The following TAS2R1 variants were observed in gnomAD, a reference collection of about 807,000 sequenced individuals.
The protein encoded by TAS2R1 is taste 2 receptor member 1, also known as taste receptor type 2 member 1.
For missense variants in TAS2R1, 370 were observed against 353.4 expected (o/e 1.05, Z -0.38); for synonymous variants, 141 against 134.2 (o/e 1.05, Z -0.35).
At chr5:9,762,001 G>A in the TAS2R1 span, among the ~76,000 whole-genome samples, 7 of 152,174 alleles carry the variant, frequency 4.6e-5, no homozygotes, top group Admixed American at 4.6e-4. Context: ...GCGTCCCCAC[G>A]AGCCTTGCAC....
chr5:9,818,996 T>C, the TAS2R1 span, among the ~76,000 whole-genome samples: 1 of 152,200 alleles, frequency 6.6e-6, no homozygotes, highest in Non-Finnish European at 1.5e-5. Flanking sequence ...CCATGTATTA[T>C]TCAAAGAGGA....
chr5:9,896,947 A>C, the TAS2R1 span, among the ~76,000 whole-genome samples: 1 of 152,208 alleles, frequency 6.6e-6, no homozygotes, highest in Non-Finnish European at 1.5e-5. Flanking sequence ...CCAGGAGAAG[A>C]GAATGAATGT....
the TAS2R1 span, among the ~76,000 whole-genome samples, chr5:9,824,177 C>G: frequency 3.9e-5 from 6 of 152,198 alleles, no homozygotes; most frequent in Non-Finnish European, 8.8e-5. Flanking sequence ...GCCTGACTCC[C>G]CTTAGTCAAG....
At chr5:9,852,389 G>T in the TAS2R1 span, among the ~76,000 whole-genome samples, 2 of 151,222 alleles carry the variant, frequency 1.3e-5, no homozygotes, top group African/African-American at 2.4e-5. Flanking sequence ...TCCTGTTTCT[G>T]TCAGGAGGTC....
chr5:9,693,395 A>G (rs1741288426), intron 1 of TAS2R1, among the ~76,000 whole-genome samples: 1 of 151,860 alleles, frequency 6.6e-6, no homozygotes, highest in African/African-American at 2.4e-5. Flanking sequence ...ATGGCGGCAC[A>G]TGCCTGTAAT....
At chr5:9,727,531 C>T in the TAS2R1 span, among the ~76,000 whole-genome samples, 2 of 152,178 alleles carry the variant, frequency 1.3e-5, no homozygotes, top group Non-Finnish European at 2.9e-5. Context: ...AGACTGTCAA[C>T]TCCTACCACC....
chr5:9,858,352 G>A, the TAS2R1 span, among the ~76,000 whole-genome samples: 2 of 152,186 alleles, frequency 1.3e-5, no homozygotes, highest in African/African-American at 4.8e-5. Context: ...CCAAGGCAAA[G>A]TGCAGTGCTT....
At chr5:9,807,831 C>G in the TAS2R1 span, among the ~76,000 whole-genome samples, 1 of 151,840 alleles carries the variant, frequency 6.6e-6, no homozygotes, top group Non-Finnish European at 1.5e-5. Context: ...TGAGTGTAAC[C>G]AAACACAACC....
chr5:9,671,877 A>C (rs588012), intron 1 of TAS2R1, among the ~76,000 whole-genome samples: 144,313 of 152,176 alleles, frequency 0.95, 68,998 homozygotes, highest in Non-Finnish European at 1. Context: ...TGGAGGCATC[A>C]CATTACTCAA....
chr5:9,841,368 CAT>C, the TAS2R1 span, among the ~76,000 whole-genome samples: 62 of 152,292 alleles, frequency 4.1e-4, no homozygotes, highest in African/African-American at 8.9e-4. Flanking sequence ...CCATATTTCA[CAT>C]GTTTCTTTAC....
the TAS2R1 span, among the ~76,000 whole-genome samples, chr5:9,724,289 A>T: frequency 6.6e-6 from 1 of 150,900 alleles, no homozygotes; most frequent in Non-Finnish European, 1.5e-5. Context: ...TTTTAACTTC[A>T]GACCCTTTAA....
At chr5:9,678,859 G>A (rs1322252132) in intron 1 of TAS2R1, among the ~76,000 whole-genome samples, 1 of 152,120 alleles carries the variant, frequency 6.6e-6, no homozygotes, top group South Asian at 2.1e-4. Flanking sequence ...GGGTTGATGT[G>A]TGCAGCGAAT....
chr5:9,884,429 G>A, the TAS2R1 span, among the ~76,000 whole-genome samples: 3 of 147,570 alleles, frequency 2.0e-5, no homozygotes, highest in African/African-American at 7.6e-5. Context: ...AGTGGAGATC[G>A]TGCCACTGTA....
the TAS2R1 span, among the ~76,000 whole-genome samples, chr5:9,850,692 A>G: frequency 6.6e-6 from 1 of 152,146 alleles, no homozygotes; most frequent in African/African-American, 2.4e-5. Context: ...CCCATCCCCC[A>G]CAGGCCTCCT....
chr5:9,763,109 C>T, the TAS2R1 span, among the ~76,000 whole-genome samples: 4 of 152,140 alleles, frequency 2.6e-5, no homozygotes, highest in Admixed American at 6.5e-5. Context: ...TATATTGAAA[C>T]TTTGTTTACG....
chr5:9,639,630 G>A (rs528911265), intron 2 of TAS2R1, among the ~76,000 whole-genome samples: 6 of 152,246 alleles, frequency 3.9e-5, no homozygotes, highest in East Asian at 1.9e-4. Context: ...ACATTAGGCC[G>A]TTCTCTGCCA....
chr5:9,800,327 A>G, the TAS2R1 span, among the ~76,000 whole-genome samples: 11 of 152,368 alleles, frequency 7.2e-5, no homozygotes, highest in Middle Eastern at 3.4e-3. Flanking sequence ...GGAATGAGAC[A>G]TATTTTCTAC....
the TAS2R1 span, among the ~76,000 whole-genome samples, chr5:9,805,389 A>T: frequency 1.3e-5 from 2 of 152,158 alleles, no homozygotes; most frequent in Admixed American, 6.5e-5. Context: ...TCCCTAAATC[A>T]TTCAATGAAG....
intron 2 of TAS2R1, among the ~76,000 whole-genome samples, chr5:9,657,259 G>T (rs1258219484): frequency 2.0e-5 from 3 of 151,904 alleles, no homozygotes; most frequent in Non-Finnish European, 4.4e-5. Context: ...AATTAATCAT[G>T]TAATTTCAAA....
Sources: allele counts gnomAD v4.1 joint callset (sites outside exome capture counted in the v4.1 genomes callset), GRCh38; gene constraint gnomAD v4.1.1; transcripts MANE v1.5; gene names NCBI Gene and HGNC (gene_info 2026-07-23, HGNC 2026-07-21).